The following LGI1 variants were observed in gnomAD, a reference collection of about 807,000 sequenced individuals.
LGI1 encodes the protein leucine rich glioma inactivated 1.
LGI1 carries 11 observed loss-of-function variants against 57.7 expected under a neutral mutation model. That is an observed-to-expected ratio of 0.19 (90% CI 0.12 to 0.32). LGI1 has a LOEUF of 0.32. Ranked by LOEUF, LGI1 falls within the 10% of genes least tolerant of loss-of-function variation. The probability of loss-of-function intolerance (pLI) is 1.00; values close to 1 mark genes in which losing one functional copy is unlikely to be tolerated. For missense variants in LGI1, 422 were observed against 661.9 expected, an observed-to-expected ratio of 0.64 and a Z score of 3.98; for synonymous variants, 222 against 241.9, an observed-to-expected ratio of 0.92 and a Z score of 0.76.
At chr10:93,771,590 G>T (rs1301141401) in intron 2 of LGI1, 1 of 152,090 alleles carries the variant, frequency 6.6e-6, no homozygotes, top group African/African-American at 2.4e-5. Context: ...TCGGGTGACG[G>T]TTACACCAAA....
chr10:93,766,504 A>T (rs1311984490), intron 2 of LGI1, among the ~76,000 whole-genome samples: 4 of 41,686 alleles, frequency 9.6e-5, no homozygotes, highest in Non-Finnish European at 1.2e-4. Flanking sequence ...TAAGCATTTT[A>T]TAGATCTCTT....
rs1192535347 is a variant in LGI1 at position 93,758,331 on chromosome 10, C to T, written c.187C>T (p.Arg63Cys). Reference protein sequence around the residue: ...ALCENARSIPRTVPPDVISLS... With the variant: ...ALCENARSIPCTVPPDVISLS... ...ATGTGAGAATGCCAGATCCATTCCA[C>T]GCACCGTTCCTCCTGATGTTATCTC... is the stretch of plus-strand genomic sequence containing the variant. The change falls in exon 1 of 8, where the codon CGC (arginine) becomes TGC (cysteine). Residue 63 changes from arginine (R) to cysteine (C), a missense_variant. Transcript: ENST00000371418. The surrounding 1 kb of genome is among the most constrained non-coding windows in gnomAD (Gnocchi z 4.7). 1.2e-6 allele frequency: 2 copies of T among 1,614,102 alleles called. No homozygotes were observed. Among genetic ancestry groups the T allele is most frequent in the African/African-American group, 1.3e-5 (1 of 75,034 alleles).
Position 93,766,042 on chromosome 10 carries a change from T to C in LGI1, c.287+7211T>C, listed in dbSNP as rs140341911. Among the ~76,000 whole-genome samples the C allele has an allele frequency of 1.7e-3, 265 of 152,084 alleles. 2 individuals are homozygous for C. Among genetic ancestry groups the C allele is most frequent in the African/African-American group, 6.0e-3 (249 of 41,474 alleles). On this transcript the variant is annotated intron_variant, in intron 2 of 7. Transcript: ENST00000371418. The stretch of plus-strand genomic sequence containing the variant: ...TCTAACAAACCAATACATTAGGTTG[T>C]TCATTGAAAGAAACTCATAATATGA...
Position 93,798,004 on chromosome 10 carries a change from T to C in LGI1, c.*201T>C. 1.6e-6 allele frequency: 1 copy of C among 608,360 alleles called. No individual in the cohort carries two copies. 37.7% of individuals were successfully genotyped at this position (608,360 alleles called of 1,614,324 possible). On this transcript the variant is annotated 3_prime_UTR_variant, in exon 8 of 8. Transcript: ENST00000371418. ...GGAAGTTACCTTTTATAAGACAAAA[T>C]TTAATTGTGTAACTGTTCTTTGCAG...
At position 93,777,401 on chromosome 10, in the gene LGI1, G is replaced by A. The variant is rs145675377; in HGVS notation, c.310G>A (p.Asp104Asn). 103 of 1,613,950 alleles carry A rather than the reference G, an allele frequency of 6.4e-5. No homozygotes were observed. The highest frequency in any genetic ancestry group is 1.6e-4 in the Middle Eastern group (1 of 6,084). The change falls in exon 3 of 8, where the codon GAT (aspartate) becomes AAT (asparagine). Residue 104 changes from aspartate to asparagine, a missense_variant. Physicochemically the swap from Asp to Asn is conservative, Grantham distance 23. Transcript: ENST00000371418. ...QLLLFTSNSFDVISDDAFIGL... is the reference protein window; with the variant it reads ...QLLLFTSNSFNVISDDAFIGL... ...CAGGTTATTCACATCGAACTCCTTT[G>A]ATGTGATCAGTGATGATGCTTTTAT...
chr10:93,783,407 A>G (rs1009110918), intron 4 of LGI1, among the ~76,000 whole-genome samples: 1 of 152,192 alleles, frequency 6.6e-6, no homozygotes, highest in Non-Finnish European at 1.5e-5. Flanking sequence ...AATAAATAAA[A>G]GAATGTTTCT....
Position 93,758,447 on chromosome 10 carries a change from G to T in LGI1, c.215+88G>T, listed in dbSNP as rs2059587869. On this transcript the variant is annotated intron_variant, in intron 1 of 7. Coordinates refer to ENST00000371418, the MANE Select transcript of LGI1 (RefSeq NM_005097.4). The surrounding 1 kb of genome is among the most constrained non-coding windows in gnomAD (Gnocchi z 4.7). ...GGGCTTTGCATGTATTTGTAGAAGG[G>T]CATGGAGAGAGAGATTCCTCTTGCA... 8.0e-7 allele frequency: 1 copy of T among 1,252,546 alleles called. No individual in the cohort carries two copies. Among genetic ancestry groups the T allele is most frequent in the Non-Finnish European group, 1.2e-6 (1 of 859,162 alleles). 77.6% of individuals were successfully genotyped at this position (1,252,546 alleles called of 1,614,324 possible). A position where few individuals can be genotyped will look rare whatever the true frequency, so the allele number is the denominator to read the frequency against.
In LGI1 at chr10:93,793,316, G is replaced by C; in HGVS notation, c.804G>C (p.Val268=). ...GCATTTTCCTTGAATGGGACCATGT[G>C]GAAAAGACCTTCCGGAATTATGACA... The part of the protein sequence containing the change: ...GKCIFLEWDH[V]EKTFRNYDNI... Residue 268 remains valine, a synonymous_variant, in exon 7 of 8, where the codon GTG becomes GTC. Transcript: ENST00000371418. 1 of 1,613,914 alleles carries C rather than the reference G, an allele frequency of 6.2e-7. No individual in the cohort carries two copies. The highest frequency in any genetic ancestry group is 8.5e-7 in the Non-Finnish European group (1 of 1,179,876).
At chr10:93,793,379 G>T (rs909649461) in intron 7 of LGI1, 29 bp downstream of exon 7, 1 of 1,602,782 alleles carries the variant, frequency 6.2e-7, no homozygotes, top group Admixed American at 1.7e-5. Flanking sequence ...TATTTTGAGT[G>T]GTAATTTAAA....
chr10:93,774,877 G>A (rs2059777654), intron 2 of LGI1, among the ~76,000 whole-genome samples: 1 of 152,152 alleles, frequency 6.6e-6, no homozygotes, highest in Admixed American at 6.5e-5. Flanking sequence ...TTCATCCTCT[G>A]TATAGAATAT....
chr10:93,795,155 A>G (rs376699981), intron 7 of LGI1, among the ~76,000 whole-genome samples: 9 of 152,208 alleles, frequency 5.9e-5, no homozygotes, highest in Non-Finnish European at 1.0e-4. Flanking sequence ...TTACAAGAGA[A>G]ATAAATCATA....
At chr10:93,778,751 T>A (rs548403647) in intron 4 of LGI1, 1 of 152,332 alleles carries the variant, frequency 6.6e-6, no homozygotes, top group East Asian at 1.9e-4. Context: ...TCTGTCAGCT[T>A]TAACCTGTTC....
At position 93,793,459 on chromosome 10, in the gene LGI1, T is replaced by C. The variant is rs146600209; in HGVS notation, c.838+109T>C. 3.0e-4 allele frequency: 288 copies of C among 975,632 alleles called. No homozygotes were observed. The African/African-American group carries it at 4.1e-3, about 14-fold the overall frequency. The allele number at this position is 975,632 out of a possible 1,614,324, so 60.4% of individuals were successfully genotyped here. A position where few individuals can be genotyped will look rare whatever the true frequency, so the allele number is the denominator to read the frequency against. ...AATGCTTTAGCATTTGAATTCCAACTCTACCATTTGTTAAGTGACCTGGGA... is the reference window on the plus strand; with the variant it reads ...AATGCTTTAGCATTTGAATTCCAACCCTACCATTTGTTAAGTGACCTGGGA... On this transcript the variant is annotated intron_variant, in intron 7 of 7. Coordinates refer to ENST00000371418, the MANE Select transcript of LGI1 (RefSeq NM_005097.4).
intron 4 of LGI1, among the ~76,000 whole-genome samples, chr10:93,783,987 G>A (rs549883305): frequency 4.8e-4 from 73 of 152,254 alleles, no homozygotes; most frequent in African/African-American, 1.6e-3. Flanking sequence ...ATTCCAGCCT[G>A]GGTGACAGAG....
rs879428841 is a variant in LGI1 at position 93,790,332 on chromosome 10, C to T, written c.503+162C>T. On this transcript the variant is annotated intron_variant, in intron 5 of 7. Coordinates refer to ENST00000371418, the MANE Select transcript of LGI1 (RefSeq NM_005097.4). Reference sequence around the variant, plus strand: ...AAAAATTTAAATTTACATGGACTAACATTTGAGTCTTCTATGGTATTTATC... The same window carrying T: ...AAAAATTTAAATTTACATGGACTAATATTTGAGTCTTCTATGGTATTTATC... 8 of 640,706 alleles carry T rather than the reference C, an allele frequency of 1.2e-5. No individual in the cohort carries two copies. In the Admixed American group the frequency reaches 2.4e-4, roughly 19 times the overall value. The allele number at this position is 640,706 out of a possible 1,614,324, so 39.7% of individuals were successfully genotyped here.
chr10:93,758,330 A>C lies in LGI1; in HGVS notation c.186A>C (p.Pro62=). 6.2e-7 allele frequency: 1 copy of C among 1,614,162 alleles called. No individual in the cohort carries two copies. ...TATGTGAGAATGCCAGATCCATTCC[A>C]CGCACCGTTCCTCCTGATGTTATCT... The part of the protein sequence containing the change: ...NALCENARSI[P]RTVPPDVISL... Residue 62 remains proline (P), a synonymous_variant, in exon 1 of 8, where the codon CCA becomes CCC. Coordinates refer to ENST00000371418, the MANE Select transcript of LGI1 (RefSeq NM_005097.4). This position sits in a 1 kb window ranked among gnomAD's most constrained non-coding sequence, Gnocchi z 4.7.
chr10:93,768,618 A>G (rs2059703451), intron 2 of LGI1: 3 of 152,150 alleles, frequency 2.0e-5, no homozygotes, highest in Admixed American at 2.0e-4. Context: ...GGGATGAGAG[A>G]TAATCCCAGG....
chr10:93,796,872 C>T (rs2059984577), intron 7 of LGI1, 96 bp from the exon 8 acceptor site: 3 of 991,384 alleles, frequency 3.0e-6, no homozygotes, highest in Non-Finnish European at 4.7e-6. Flanking sequence ...TTGTTTCAGG[C>T]TGATTTGGGT....
intron 4 of LGI1, among the ~76,000 whole-genome samples, chr10:93,778,382 C>G (rs949172900): frequency 4.0e-5 from 5 of 126,480 alleles, no homozygotes; most frequent in East Asian, 2.4e-4. Flanking sequence ...CACACACACA[C>G]AGGCACACAT....
Sources: allele counts gnomAD v4.1 joint callset (sites outside exome capture counted in the v4.1 genomes callset), GRCh38; gene constraint gnomAD v4.1.1; non-coding constraint Gnocchi (gnomAD v3.1); transcripts MANE v1.5; gene names NCBI Gene and HGNC (gene_info 2026-07-23, HGNC 2026-07-21).